Variants in NAV1 observed in about 807,000 individuals in gnomAD.
The protein encoded by NAV1 is pore membrane and/or filament interacting like protein 3.
In NAV1, 18 loss-of-function variants were observed where a neutral mutation model predicts 175.2. The observed-to-expected ratio is 0.10, with a 90% CI of 0.07 to 0.15. The LOEUF (loss-of-function observed/expected upper bound fraction) is 0.15, where lower values mean the gene tolerates loss of function less well. Ranked by LOEUF, NAV1 falls within the 10% of genes least tolerant of loss-of-function variation. The pLI is 1.00. For synonymous variants in NAV1, 897 were observed against 978.7 expected (o/e 0.92, Z 1.56); for missense variants, 1,731 against 2,436.6 (o/e 0.71, Z 6.10).
chr1:201,779,171 C>T (rs1042835285), intron 3 of NAV1, among the ~76,000 whole-genome samples: 6 of 152,136 alleles, frequency 3.9e-5, no homozygotes, highest in African/African-American at 1.4e-4. Context: ...GCTTAGAAAA[C>T]AATGCATGTG....
At chr1:201,663,599 A>G (rs1376823753) in intron 1 of NAV1, among the ~76,000 whole-genome samples, 1 of 152,180 alleles carries the variant, frequency 6.6e-6, no homozygotes, top group African/African-American at 2.4e-5. Flanking sequence ...GAGGCATAAA[A>G]TCTGCCTCAG....
Position 201,782,358 on chromosome 1 carries a change from A to G in NAV1, c.1846A>G (p.Thr616Ala). ...CAAGAAGCCTCCTCCTGCCACAGGC[A>G]CAGCCACTGTCATGCAAACTGGTGG... The change falls in exon 6 of 30, where the codon ACA becomes GCA. Residue 616 changes from threonine (T) to alanine (A), a missense_variant. By Grantham distance (58) the Thr-to-Ala change is moderately conservative (BLOSUM62 0). Around this residue, in one of 13 missense-constraint regions of NAV1, gnomAD observed 634 missense variants for 766.8 expected, o/e 0.83. Coordinates refer to ENST00000367296, the Ensembl canonical transcript of NAV1. This position sits in a 1 kb window ranked among gnomAD's most constrained non-coding sequence, Gnocchi z 5.4. 5 of 1,613,544 alleles carry G rather than the reference A, an allele frequency of 3.1e-6. No individual in the cohort carries two copies. Among genetic ancestry groups the G allele is most frequent in the Non-Finnish European group, 4.2e-6 (5 of 1,179,978 alleles).
chr1:201,601,222 C>T (rs1455929426), intron 2 of NAV1, among the ~76,000 whole-genome samples: 1 of 152,234 alleles, frequency 6.6e-6, no homozygotes, highest in Non-Finnish European at 1.5e-5. Context: ...TGGCTCATGC[C>T]TGTAATCCCA....
rs193073034 is a variant in NAV1 at position 201,566,597 on chromosome 1, A to T, written c.-143-21942A>T. ...CCTGCCCACTCACAACACACACAGA[A>T]CTCTTCTTCCCTTGGGATGACGCTG... is the stretch of plus-strand genomic sequence containing the variant. On this transcript the variant is annotated intron_variant, in intron 1 of 33. Transcript: ENST00000685211. Among the ~76,000 whole-genome samples the T allele has an allele frequency of 3.2e-3, 491 of 152,036 alleles. 3 individuals are homozygous for T. Among genetic ancestry groups the T allele is most frequent in the Middle Eastern group, 6.8e-3 (2 of 292 alleles).
In NAV1 at chr1:201,718,285, C is replaced by G; in HGVS notation, c.861-105C>G. The stretch of plus-strand genomic sequence containing the variant: ...GCTTGGGCAGGTGGGGAGGAGGTGA[C>G]AGGGCCTGTGGGTGGAGGGGAGGCA... On this transcript the variant is annotated intron_variant, in intron 2 of 29. Coordinates refer to ENST00000367296, the Ensembl canonical transcript of NAV1. This position sits in a 1 kb window ranked among gnomAD's most constrained non-coding sequence, Gnocchi z 4.8. The G allele has an allele frequency of 1.6e-6, 2 of 1,280,164 alleles. No individual in the cohort carries two copies. Among genetic ancestry groups the G allele is most frequent in the Non-Finnish European group, 2.1e-6 (2 of 974,444 alleles). The allele number at this position is 1,280,164 out of a possible 1,614,324, so 79.3% of individuals were successfully genotyped here. A position where few individuals can be genotyped will look rare whatever the true frequency, so the allele number is the denominator to read the frequency against.
intron 7 of NAV1, among the ~76,000 whole-genome samples, chr1:201,784,433 C>T (rs1297471437): frequency 6.6e-6 from 1 of 152,166 alleles, no homozygotes; most frequent in African/African-American, 2.4e-5. Flanking sequence ...GCTGGGATTA[C>T]AGGCATGAGC....
chr1:201,759,452 C>T (rs1558134110), intron 3 of NAV1, among the ~76,000 whole-genome samples: 1 of 152,188 alleles, frequency 6.6e-6, no homozygotes, highest in South Asian at 2.1e-4. Flanking sequence ...ATGCAGAGGT[C>T]GTGAGTGTTC....
intron 1 of NAV1, among the ~76,000 whole-genome samples, chr1:201,693,451 A>C (rs748823015): frequency 6.6e-6 from 1 of 152,222 alleles, no homozygotes; most frequent in Non-Finnish European, 1.5e-5. Context: ...TGTGCTGCCC[A>C]GTGCTGCGAG....
chr1:201,742,378 T>C (rs1299497299), intron 3 of NAV1, among the ~76,000 whole-genome samples: 1 of 152,176 alleles, frequency 6.6e-6, no homozygotes, highest in Non-Finnish European at 1.5e-5. Context: ...TCTTGATGAG[T>C]GAGCTGTGAT....
intron 2 of NAV1, among the ~76,000 whole-genome samples, chr1:201,642,167 C>CCTT (rs1668780257): frequency 1.1e-4 from 13 of 116,436 alleles, no homozygotes; most frequent in African/African-American, 4.3e-4. Flanking sequence ...TCTCTCCCCT[C>CCTT]CCTTCCTTCC....
At chr1:201,654,616 T>C (rs1040725781) in intron 1 of NAV1, among the ~76,000 whole-genome samples, 6 of 152,072 alleles carry the variant, frequency 3.9e-5, no homozygotes, top group African/African-American at 1.4e-4. Context: ...TCAGGGTCCA[T>C]AACTGCAGCT....
chr1:201,624,831 T>C (rs1179820207), intron 1 of NAV1, among the ~76,000 whole-genome samples: 1 of 152,156 alleles, frequency 6.6e-6, no homozygotes, highest in Non-Finnish European at 1.5e-5. Flanking sequence ...CTCTCACTTA[T>C]ATTTTGGGCA....
At chr1:201,751,585 G>A (rs1232543714) in intron 3 of NAV1, among the ~76,000 whole-genome samples, 3 of 152,256 alleles carry the variant, frequency 2.0e-5, no homozygotes, top group South Asian at 2.1e-4. Flanking sequence ...AGCAATAACC[G>A]GTTATGAAAA....
At chr1:201,603,894 C>A (rs747128945) in intron 2 of NAV1, among the ~76,000 whole-genome samples, 3 of 152,140 alleles carry the variant, frequency 2.0e-5, no homozygotes, top group Non-Finnish European at 2.9e-5. Flanking sequence ...CAATTCTAGT[C>A]ATAATAATGG....
rs1363978319 is a variant in NAV1 at position 201,694,456 on chromosome 1, A to AGGGCCGGGGTCACCAGCTGCTG, written c.758-18356_758-18335dup. Among the ~76,000 whole-genome samples, 7 of 152,042 alleles carry AGGGCCGGGGTCACCAGCTGCTG rather than the reference A, an allele frequency of 4.6e-5. No homozygotes were observed. Among genetic ancestry groups the AGGGCCGGGGTCACCAGCTGCTG allele is most frequent in the African/African-American group, 1.7e-4 (7 of 41,380 alleles). On this transcript the variant is annotated intron_variant, in intron 1 of 29. Coordinates refer to ENST00000367296, the Ensembl canonical transcript of NAV1. This position sits in a 1 kb window ranked among gnomAD's most constrained non-coding sequence, Gnocchi z 4.2. ...AAGATAGATGACCCTGGGGAGGGTG[A>AGGGCCGGGGTCACCAGCTGCTG]GGGCCGGGGTCACCAGCTGCTGGGG...
At chr1:201,658,658 A>G (rs908354115) in intron 1 of NAV1, among the ~76,000 whole-genome samples, 3 of 152,172 alleles carry the variant, frequency 2.0e-5, no homozygotes, top group Non-Finnish European at 4.4e-5. Context: ...CTGAGCAGAT[A>G]TTTGAGTGGA....
chr1:201,654,341 C>T (rs1669317528), intron 1 of NAV1, among the ~76,000 whole-genome samples: 1 of 152,088 alleles, frequency 6.6e-6, no homozygotes, highest in Non-Finnish European at 1.5e-5. Context: ...TGTTTCACCC[C>T]TTCCCACTTT....
In NAV1 at chr1:201,808,805, T is replaced by A. The variant is rs774936789; in HGVS notation, c.4141T>A (p.Ser1381Thr). The change falls in exon 20 of 30, where the codon TCT becomes ACT. Residue 1381 changes from serine (S) to threonine (T), a missense_variant. Transcript: ENST00000367296. This position sits in a 1 kb window ranked among gnomAD's most constrained non-coding sequence, Gnocchi z 5.5. Reference sequence around the variant, plus strand: ...GCAGGTCCCTGGATCATCTGCATTATCTTCCCCACGCCGCTCCCTAGGCCT... The same window carrying A: ...GCAGGTCCCTGGATCATCTGCATTAACTTCCCCACGCCGCTCCCTAGGCCT... The A allele has an allele frequency of 5.6e-6, 9 of 1,614,128 alleles. No individual in the cohort carries two copies. Among genetic ancestry groups the A allele is most frequent in the Non-Finnish European group, 7.6e-6 (9 of 1,180,046 alleles).
At chr1:201,712,997 G>C (rs564502537) in intron 2 of NAV1, 78 bp downstream of exon 6, 6 of 1,098,042 alleles carry the variant, frequency 5.5e-6, no homozygotes, top group Middle Eastern at 2.2e-4. Flanking sequence ...AGGGCCCCCG[G>C]GTCCCTCCAC....
Sources: gnomAD v4.1 joint callset for allele counts (sites outside exome capture counted in the v4.1 genomes callset) on GRCh38, gnomAD v4.1.1 for gene constraint, gnomAD v4.1.1 regional missense constraint, Gnocchi (gnomAD v3.1) non-coding constraint, MANE v1.5 for transcripts, NCBI Gene and HGNC (gene_info 2026-07-23, HGNC 2026-07-21) for gene names.